Variants in FANCD2 observed in about 807,000 individuals in gnomAD.
The protein encoded by FANCD2 is Fanconi anemia group D2 protein.
A neutral mutation model predicts 192.3 loss-of-function variants in FANCD2; 131 were observed. The ratio of observed to expected loss-of-function variants is 0.68; its 90% CI spans 0.59 to 0.79. The LOEUF (loss-of-function observed/expected upper bound fraction) is 0.79. Ranked by LOEUF, FANCD2 falls within the 30% of genes least tolerant of loss-of-function variation. The pLI, the probability that FANCD2 is intolerant of heterozygous loss-of-function variation, is 0.00. For synonymous variants in FANCD2, 524 were observed against 612.5 expected (o/e 0.86, Z 2.13); for missense variants, 1,508 against 1,701.6 (o/e 0.89, Z 2.00).
chr3:10,075,238 A>C (rs1693468791), intron 29 of FANCD2, among the ~76,000 whole-genome samples: 1 of 150,764 alleles, frequency 6.6e-6, no homozygotes, highest in Admixed American at 6.6e-5. Context: ...GCTGGAGTGC[A>C]GTGGCGCGGA....
At chr3:10,027,444 A>G (rs2086479170) in intron 1 of FANCD2, among the ~76,000 whole-genome samples, 1 of 152,210 alleles carries the variant, frequency 6.6e-6, no homozygotes, top group Non-Finnish European at 1.5e-5. Context: ...GTTCTGATTT[A>G]CAAGATTAAA....
At chr3:10,032,235 G>T in intron 2 of FANCD2, 1 of 363,780 alleles carries the variant, frequency 2.7e-6, no homozygotes, top group African/African-American at 2.2e-5. Flanking sequence ...TTAGTATTTG[G>T]GTGGAAAACA....
Position 10,084,795 on chromosome 3 carries a change from G to A in FANCD2, c.3225-1017G>A, listed in dbSNP as rs538308069. On this transcript the variant is annotated intron_variant, in intron 32 of 43. Transcript: ENST00000675286. Reference sequence around the variant, plus strand: ...ACGTCAGATTGTGCTGGGCCTCAAAGGTCAGGCAGAATAATTTAAATGTTG... The same window carrying A: ...ACGTCAGATTGTGCTGGGCCTCAAAAGTCAGGCAGAATAATTTAAATGTTG... Among the ~76,000 whole-genome samples, 135 of 152,302 alleles carry A rather than the reference G, an allele frequency of 8.9e-4. 2 individuals are homozygous for A. Among genetic ancestry groups the A allele is most frequent in the East Asian group, 3.9e-3 (20 of 5,184 alleles).
At chr3:10,039,881 C>T in intron 9 of FANCD2, 36 bp downstream of exon 9, 2 of 1,613,336 alleles carry the variant, frequency 1.2e-6, no homozygotes, top group Middle Eastern at 1.7e-4. Context: ...AAGTGAGGCT[C>T]AGCTATGGGG....
At chr3:10,052,599 A>T in intron 18 of FANCD2, 102 bp downstream of exon 18, 1 of 791,678 alleles carries the variant, frequency 1.3e-6, no homozygotes, top group Non-Finnish European at 2.2e-6. Flanking sequence ...GCTCATTGCA[A>T]CCTCTGCCTC....
At chr3:10,089,221 G>A (rs1694430276) in intron 36 of FANCD2, among the ~76,000 whole-genome samples, 1 of 151,840 alleles carries the variant, frequency 6.6e-6, no homozygotes, top group African/African-American at 2.4e-5. Context: ...GGAGGCGGAG[G>A]TTGCAGTGAG....
chr3:10,099,724 C>A, intron 43 of FANCD2: 1 of 152,582 alleles, frequency 6.6e-6, no homozygotes, highest in Non-Finnish European at 1.5e-5. Context: ...TGCTACTGCA[C>A]TCCAGCCTGG....
chr3:10,040,450 C>T, intron 9 of FANCD2: 1 of 454,714 alleles, frequency 2.2e-6, no homozygotes, highest in Non-Finnish European at 4.4e-6. Context: ...GTTTCATTAA[C>T]TTGTTCTTCA....
intron 18 of FANCD2, among the ~76,000 whole-genome samples, chr3:10,054,863 A>T (rs989460704): frequency 2.0e-5 from 3 of 151,654 alleles, no homozygotes; most frequent in Non-Finnish European, 4.4e-5. Flanking sequence ...TAAAAAAAAA[A>T]CTTTTGGACT....
chr3:10,088,983 A>AAGAT (rs1255024453), intron 36 of FANCD2, 33 bp downstream of exon 36: 1 of 1,612,710 alleles, frequency 6.2e-7, no homozygotes. Context: ...TTTTTCCCTT[A>AAGAT]AGATAGAATC....
chr3:10,048,862 T>C (rs2125005214), intron 16 of FANCD2, among the ~76,000 whole-genome samples: 1 of 27,336 alleles, frequency 3.7e-5, no homozygotes, highest in African/African-American at 1.5e-4. Context: ...GTTATGACTA[T>C]TATGGAGTGA....
At position 10,096,413 on chromosome 3, in the gene FANCD2, A is replaced by ACTCT; in HGVS notation, c.4128_4131dup (p.Asn1378SerfsTer5). 1.9e-6 allele frequency: 3 copies of ACTCT among 1,614,042 alleles called. No homozygotes were observed. The East Asian group carries it at 6.7e-5, about 36-fold the overall frequency. ...AGTTTGCAGAGTCAAAGCTATGCTCACTCTCAACAATTGTAGAGAGGCTTT... is the reference window on the plus strand; with the variant it reads ...AGTTTGCAGAGTCAAAGCTATGCTCACTCTCTCTCAACAATTGTAGAGAGGCTTT... On this transcript the variant is annotated frameshift_variant, in exon 42 of 44. Transcript: ENST00000675286. LOFTEE classifies it high-confidence loss of function.
rs1575865346 is a variant in FANCD2, at chr3:10,095,146, T to C, written c.3964-54T>C. 20 of 1,452,192 alleles carry C rather than the reference T, an allele frequency of 1.4e-5. No individual in the cohort carries two copies. The South Asian group carries it at 2.3e-4, about 17-fold the overall frequency. 90.0% of individuals were successfully genotyped at this position (1,452,192 alleles called of 1,614,324 possible). A position where few individuals can be genotyped will look rare whatever the true frequency, so the allele number is the denominator to read the frequency against. ...CTTTTGATTGCAAGGGTATCTTGAATCTAAAATGAAATCAGGACATTTCAT... is the reference window on the plus strand; with the variant it reads ...CTTTTGATTGCAAGGGTATCTTGAACCTAAAATGAAATCAGGACATTTCAT... On this transcript the variant is annotated intron_variant, in intron 40 of 43. Coordinates refer to ENST00000675286, the MANE Select transcript of FANCD2 (RefSeq NM_001018115.3).
chr3:10,061,802 G>A (rs2087575451), intron 19 of FANCD2, among the ~76,000 whole-genome samples: 1 of 152,024 alleles, frequency 6.6e-6, no homozygotes, highest in Non-Finnish European at 1.5e-5. Context: ...CCTACCCTAG[G>A]GAAGTCAGAA....
intron 34 of FANCD2, among the ~76,000 whole-genome samples, chr3:10,088,033 A>G (rs987561038): frequency 1.3e-5 from 2 of 152,254 alleles, no homozygotes; most frequent in African/African-American, 4.8e-5. Context: ...CAAGATAAAA[A>G]TGCAAAACAA....
chr3:10,075,217 C>G (rs945011629), intron 29 of FANCD2, among the ~76,000 whole-genome samples: 2 of 150,956 alleles, frequency 1.3e-5, no homozygotes, highest in African/African-American at 2.4e-5. Context: ...GAGTCTCTCT[C>G]TGTCGCCCAG....
chr3:10,069,972 G>C (rs1321173136), intron 26 of FANCD2, among the ~76,000 whole-genome samples: 1 of 151,468 alleles, frequency 6.6e-6, no homozygotes, highest in African/African-American at 2.4e-5. Context: ...AGTCTGGAAA[G>C]TGAGGAGCGT....
chr3:10,096,807 A>T (rs1018206494), intron 42 of FANCD2, among the ~76,000 whole-genome samples: 4 of 152,220 alleles, frequency 2.6e-5, no homozygotes, highest in Non-Finnish European at 5.9e-5. Flanking sequence ...ACATTTTTGT[A>T]TAGGGACAAA....
chr3:10,049,792 T>C (rs533084304), intron 17 of FANCD2, among the ~76,000 whole-genome samples: 4 of 152,298 alleles, frequency 2.6e-5, no homozygotes, highest in African/African-American at 9.6e-5. Flanking sequence ...ACTATAGATA[T>C]AACAGAGTAA....
Sources: allele counts gnomAD v4.1 joint callset (sites outside exome capture counted in the v4.1 genomes callset), GRCh38; gene constraint gnomAD v4.1.1; transcripts MANE v1.5; gene names NCBI Gene and HGNC (gene_info 2026-07-23, HGNC 2026-07-21).